The following APLF variants were observed in gnomAD, a reference collection of about 807,000 sequenced individuals.
APLF encodes aprataxin and PNK-like factor.
A neutral mutation model predicts 55.6 loss-of-function variants in APLF; 61 were observed. That is an observed-to-expected ratio of 1.10 (90% confidence interval 0.89 to 1.36). The LOEUF is 1.36. APLF is among the 40% of genes most tolerant of loss of function. The pLI, the probability that APLF is intolerant of heterozygous loss-of-function variation, is 0.00. For missense variants in APLF, 611 were observed against 602.5 expected, an observed-to-expected ratio of 1.01 and a Z score of -0.15; for synonymous variants, 207 against 214.8, an observed-to-expected ratio of 0.96 and a Z score of 0.32.
At chr2:68,557,968 CAT>C (rs991360420) in intron 8 of APLF, among the ~76,000 whole-genome samples, 1 of 151,566 alleles carries the variant, frequency 6.6e-6, no homozygotes, top group African/African-American at 2.4e-5. Context: ...ATAGGTTCTG[CAT>C]ATATAGAAAG....
At chr2:68,473,735 C>T (rs552060885) in intron 1 of APLF, among the ~76,000 whole-genome samples, 1 of 152,222 alleles carries the variant, frequency 6.6e-6, no homozygotes, top group South Asian at 2.1e-4. Flanking sequence ...AATCACTTTT[C>T]ATATGTATAT....
intron 8 of APLF, among the ~76,000 whole-genome samples, chr2:68,566,483 C>T (rs1344121813): frequency 6.6e-6 from 1 of 152,032 alleles, no homozygotes; most frequent in Non-Finnish European, 1.5e-5. Flanking sequence ...AAACATTCAG[C>T]CAATACTTGC....
intron 1 of APLF, among the ~76,000 whole-genome samples, chr2:68,484,494 G>A (rs748405559): frequency 9.9e-5 from 15 of 151,958 alleles, no homozygotes; most frequent in Non-Finnish European, 2.2e-4. Flanking sequence ...TTCGAGACCA[G>A]CCTGACCAAC....
chr2:68,514,643 G>T (rs920955690), intron 5 of APLF, among the ~76,000 whole-genome samples: 7 of 151,692 alleles, frequency 4.6e-5, no homozygotes, highest in African/African-American at 1.5e-4. Context: ...CCCTTCTGTG[G>T]CTGCCTTCCC....
At chr2:68,519,656 G>A (rs1276574658) in intron 5 of APLF, among the ~76,000 whole-genome samples, 4 of 149,822 alleles carry the variant, frequency 2.7e-5, no homozygotes, top group African/African-American at 9.8e-5. Flanking sequence ...AATTACACAT[G>A]AAGTAATATA....
chr2:68,528,700 A>G lies in APLF; in HGVS notation c.804+2458A>G, dbSNP rs2103988335. The G allele has an allele frequency of 5.3e-6, 8 of 1,513,550 alleles. No homozygotes were observed. The East Asian group carries it at 2.0e-4, about 37-fold the overall frequency. The allele number at this position is 1,513,550 out of a possible 1,614,324, so 93.8% of individuals were successfully genotyped here. ...CAGGGAGCACTGTTGGAAGTGGGTCAGGCTTCCCAAAGGGAAGGATGCCTC... is the reference window on the plus strand; with the variant it reads ...CAGGGAGCACTGTTGGAAGTGGGTCGGGCTTCCCAAAGGGAAGGATGCCTC... On this transcript the variant is annotated intron_variant, in intron 6 of 9. Transcript: ENST00000303795.
chr2:68,472,171 G>A (rs1388742638), intron 1 of APLF, among the ~76,000 whole-genome samples: 1 of 152,334 alleles, frequency 6.6e-6, no homozygotes, highest in African/African-American at 2.4e-5. Flanking sequence ...GCGGACTTCA[G>A]AGATAGCAGG....
chr2:68,574,068 G>A (rs1446455491), intron 9 of APLF, among the ~76,000 whole-genome samples: 1 of 147,894 alleles, frequency 6.8e-6, no homozygotes, highest in Non-Finnish European at 1.5e-5. Context: ...ACTTAGAAGT[G>A]TTAACCCAAA....
In APLF at chr2:68,579,337, T is replaced by C. The variant is rs1313820727; in HGVS notation, c.*1315T>C. ...GGGAACTATTTTTCCCCTTATAATG[T>C]CCCTTTAGCCTTGGTAGTATAACAA... is the stretch of plus-strand genomic sequence containing the variant. On this transcript the variant is annotated 3_prime_UTR_variant, in exon 10 of 10. Coordinates refer to ENST00000303795, the MANE Select transcript of APLF (RefSeq NM_173545.3). 8.4e-6 allele frequency: 8 copies of C among 953,180 alleles called. No individual in the cohort carries two copies. Among genetic ancestry groups the C allele is most frequent in the Non-Finnish European group, 1.0e-5 (8 of 800,710 alleles). The allele number at this position is 953,180 out of a possible 1,614,324, so 59.0% of individuals were successfully genotyped here. A position where few individuals can be genotyped will look rare whatever the true frequency, so the allele number is the denominator to read the frequency against.
At chr2:68,504,561 T>G (rs1676819220) in intron 3 of APLF, among the ~76,000 whole-genome samples, 1 of 151,922 alleles carries the variant, frequency 6.6e-6, no homozygotes, top group African/African-American at 2.4e-5. Flanking sequence ...TTTGACAAAA[T>G]TCAACACCTC....
intron 8 of APLF, 82 bp from the exon 9 acceptor site, chr2:68,567,259 G>C (rs533432596): frequency 8.5e-7 from 1 of 1,170,528 alleles, no homozygotes; most frequent in Non-Finnish European, 1.2e-6. Flanking sequence ...TTGTAAGTTA[G>C]TCAGTGTTCT....
intron 8 of APLF, among the ~76,000 whole-genome samples, chr2:68,554,735 G>A (rs111401066): frequency 3.1e-4 from 47 of 151,058 alleles, no homozygotes; most frequent in African/African-American, 1.1e-3. Context: ...ACTGATTTGT[G>A]TACATTGATT....
In APLF at chr2:68,548,765, A is replaced by G. The variant is rs1670778741; in HGVS notation, c.1286+3453A>G. On this transcript the variant is annotated intron_variant, in intron 8 of 9. Transcript: ENST00000303795. ...CATTTGTTAAAAAAAAACTTTTGTA[A>G]TGGAGAATTTTATCCATAAACACAA... is the stretch of plus-strand genomic sequence containing the variant. Among the ~76,000 whole-genome samples, 3 of 151,980 alleles carry G rather than the reference A, an allele frequency of 2.0e-5. No homozygotes were observed. The South Asian group carries it at 6.2e-4, about 31-fold the overall frequency.
chr2:68,470,245 T>C (rs2103867923), intron 1 of APLF, among the ~76,000 whole-genome samples: 1 of 152,364 alleles, frequency 6.6e-6, no homozygotes, highest in East Asian at 1.9e-4. Context: ...TATAACATCA[T>C]TGAAATTGCG....
At chr2:68,533,500 T>G (rs1453091250) in intron 6 of APLF, among the ~76,000 whole-genome samples, 3 of 152,174 alleles carry the variant, frequency 2.0e-5, no homozygotes, top group Non-Finnish European at 2.9e-5. Flanking sequence ...TGTCAGTGAT[T>G]ATGATTATAT....
intron 3 of APLF, among the ~76,000 whole-genome samples, chr2:68,512,836 GC>G (rs1382542020): frequency 6.6e-6 from 1 of 151,660 alleles, no homozygotes; most frequent in African/African-American, 2.4e-5. Flanking sequence ...AGAAATGGCT[GC>G]CACACATCTC....
At position 68,469,516 on chromosome 2, in the gene APLF, T is replaced by G. The variant is rs187526073; in HGVS notation, c.96+1689T>G. 2.7e-3 allele frequency among the ~76,000 whole-genome samples: 405 copies of G among 152,364 alleles called. 1 individual carries two copies. The highest frequency in any genetic ancestry group is 8.8e-3 in the Admixed American group (134 of 15,300). ...AATTACCTGGTCAAGATTTTGCTTT[T>G]CCTTTTGAAATAACATTCAGGGATG... On this transcript the variant is annotated intron_variant, in intron 1 of 9. Transcript: ENST00000303795.
intron 6 of APLF, among the ~76,000 whole-genome samples, chr2:68,532,055 C>T (rs1215785518): frequency 6.6e-6 from 1 of 152,096 alleles, no homozygotes; most frequent in Non-Finnish European, 1.5e-5. Flanking sequence ...AAAGCTGAGC[C>T]AGAGAATATG....
At chr2:68,560,814 A>T (rs1482678522) in intron 8 of APLF, among the ~76,000 whole-genome samples, 1 of 152,164 alleles carries the variant, frequency 6.6e-6, no homozygotes, top group Non-Finnish European at 1.5e-5. Context: ...TAGGAAAAAG[A>T]TCTGGTGGAA....
Sources: gnomAD v4.1 joint callset for allele counts (sites outside exome capture counted in the v4.1 genomes callset) on GRCh38, gnomAD v4.1.1 for gene constraint, MANE v1.5 for transcripts, NCBI Gene and HGNC (gene_info 2026-07-23, HGNC 2026-07-21) for gene names.